Variants in TBCK observed in about 807,000 individuals in gnomAD.
TBCK encodes the protein TBC domain-containing protein kinase-like protein.
In TBCK, 99 loss-of-function variants were observed where a neutral mutation model predicts 113.4. The ratio of observed to expected loss-of-function variants is 0.87; its 90% CI spans 0.74 to 1.03. The LOEUF is 1.03. TBCK is among the 50% of genes least tolerant of loss of function. TBCK has a pLI of 0.00. For synonymous variants in TBCK, 369 were observed against 370.8 expected, an observed-to-expected ratio of 1.00 and a Z score of 0.05; for missense variants, 1,045 against 1,061.3, an observed-to-expected ratio of 0.98 and a Z score of 0.21.
intron 23 of TBCK, among the ~76,000 whole-genome samples, chr4:106,151,749 T>C (rs1033171673): frequency 1.3e-5 from 2 of 152,024 alleles, no homozygotes; most frequent in African/African-American, 4.8e-5. Context: ...TTTTTTTGTA[T>C]CCTCTTCAAT....
chr4:106,235,570 T>C (rs1050170626), intron 14 of TBCK, among the ~76,000 whole-genome samples: 4 of 152,030 alleles, frequency 2.6e-5, no homozygotes, highest in Non-Finnish European at 5.9e-5. Flanking sequence ...AAAACTCGTA[T>C]TATATAATTA....
intron 23 of TBCK, among the ~76,000 whole-genome samples, chr4:106,156,212 T>C (rs1352417456): frequency 6.6e-6 from 1 of 150,880 alleles, no homozygotes; most frequent in Non-Finnish European, 1.5e-5. Flanking sequence ...TACTTTCTCC[T>C]AAAAAAAAAT....
At chr4:106,148,807 C>A (rs544263630) in intron 23 of TBCK, among the ~76,000 whole-genome samples, 177 of 152,210 alleles carry the variant, frequency 1.2e-3, no homozygotes, top group African/African-American at 4.2e-3. Flanking sequence ...CTATATCAGC[C>A]CCTAACAGGA....
chr4:106,232,834 T>C, intron 17 of TBCK, 104 bp downstream of exon 17: 1 of 1,169,416 alleles, frequency 8.6e-7, no homozygotes, highest in Non-Finnish European at 1.2e-6. Flanking sequence ...CAATATTGAC[T>C]TTCCCCAAAG....
intron 24 of TBCK, among the ~76,000 whole-genome samples, chr4:106,107,882 T>G (rs1399072492): frequency 6.6e-6 from 1 of 152,108 alleles, no homozygotes; most frequent in East Asian, 1.9e-4. Context: ...GATAGGCCAC[T>G]AGCTAGACTA....
intron 23 of TBCK, among the ~76,000 whole-genome samples, chr4:106,129,037 CTTTATTA>C (rs1442056137): frequency 6.6e-6 from 1 of 152,034 alleles, no homozygotes; most frequent in East Asian, 1.9e-4. Flanking sequence ...TTATTTTGTT[CTTTATTA>C]TTTAGAATAT....
chr4:106,176,018 T>G lies in TBCK; in HGVS notation c.2060-4748A>C, dbSNP rs187589431. On this transcript the variant is annotated intron_variant, in intron 22 of 25. Transcript: ENST00000394708. ...TGAAGATGGCTTGGTTTTTCTACTT[T>G]ACTGTTATTTTTAAATTAATACATA... 5.8e-3 allele frequency among the ~76,000 whole-genome samples: 884 copies of G among 152,254 alleles called. 6 individuals carry two copies. The highest frequency in any genetic ancestry group is 0.019 in the African/African-American group (780 of 41,574).
chr4:106,294,337 G>A (rs891438864), intron 3 of TBCK, among the ~76,000 whole-genome samples: 9 of 151,522 alleles, frequency 5.9e-5, no homozygotes, highest in South Asian at 4.2e-4. Flanking sequence ...TTACAGGCAC[G>A]CACCACCATG....
intron 24 of TBCK, among the ~76,000 whole-genome samples, chr4:106,104,341 G>A (rs1241876955): frequency 6.6e-6 from 1 of 152,202 alleles, no homozygotes; most frequent in African/African-American, 2.4e-5. Flanking sequence ...CCAGGGAGAT[G>A]GGTGGGTTGC....
At chr4:106,070,613 G>A (rs1255324303) in intron 25 of TBCK, among the ~76,000 whole-genome samples, 1 of 151,806 alleles carries the variant, frequency 6.6e-6, no homozygotes, top group Admixed American at 6.6e-5. Context: ...TTTTTTGTGT[G>A]TGTGTCTCTG....
chr4:106,155,923 C>A (rs79177211), intron 23 of TBCK, among the ~76,000 whole-genome samples: 2,073 of 152,098 alleles, frequency 0.014, 52 homozygotes, highest in African/African-American at 0.047. Flanking sequence ...TCATGCTTTC[C>A]TGGATGATCT....
rs34095868 is a variant in TBCK, at chr4:106,197,341, AGTGT to A, written c.1861-2591_1861-2588del. ...CTCAAATCTTTGCTAATTACTGAAG[AGTGT>A]GTGTGTGTGTGTGTGTGTGTGTACA... On this transcript the variant is annotated intron_variant, in intron 20 of 25. Transcript: ENST00000394708. Among the ~76,000 whole-genome samples, 886 of 142,252 alleles carry A rather than the reference AGTGT, an allele frequency of 6.2e-3. 12 individuals carry two copies. Among genetic ancestry groups the A allele is most frequent in the African/African-American group, 0.018 (698 of 37,928 alleles). 93.3% of individuals were successfully genotyped at this position (142,252 alleles called of 152,430 possible). A position where few individuals can be genotyped will look rare whatever the true frequency, so the allele number is the denominator to read the frequency against.
At chr4:106,124,823 G>C (rs1443883718) in intron 23 of TBCK, among the ~76,000 whole-genome samples, 3 of 151,990 alleles carry the variant, frequency 2.0e-5, no homozygotes, top group Admixed American at 6.6e-5. Context: ...GACATAGGAA[G>C]GGGAATATCA....
chr4:106,132,874 T>C (rs1746121013), intron 23 of TBCK, among the ~76,000 whole-genome samples: 1 of 152,214 alleles, frequency 6.6e-6, no homozygotes, highest in Non-Finnish European at 1.5e-5. Context: ...CCTCTTGTTT[T>C]GGCCAATTTC....
intron 23 of TBCK, among the ~76,000 whole-genome samples, chr4:106,149,504 A>AG (rs1271227455): frequency 6.6e-6 from 1 of 152,174 alleles, no homozygotes; most frequent in Non-Finnish European, 1.5e-5. Flanking sequence ...CTCAAGGAAT[A>AG]GGGAGACACA....
intron 24 of TBCK, among the ~76,000 whole-genome samples, chr4:106,111,068 C>A (rs1742794779): frequency 6.6e-6 from 1 of 152,106 alleles, no homozygotes; most frequent in African/African-American, 2.4e-5. Context: ...ACTCTGCAGA[C>A]CTCTTTCTAA....
chr4:106,261,696 G>C (rs1053503315), intron 4 of TBCK, among the ~76,000 whole-genome samples: 1 of 151,926 alleles, frequency 6.6e-6, no homozygotes, highest in Non-Finnish European at 1.5e-5. Flanking sequence ...GAGGAAAGAA[G>C]GCAGAAGAAA....
At chr4:106,193,800 A>T (rs1225943252) in intron 21 of TBCK, 30 bp from the exon 22 acceptor site, 3 of 1,378,292 alleles carry the variant, frequency 2.2e-6, no homozygotes, top group Admixed American at 5.6e-5. Flanking sequence ...CAAATAAATT[A>T]AAAAACCAAA....
intron 2 of TBCK, among the ~76,000 whole-genome samples, chr4:106,299,269 G>A (rs17333879): frequency 0.17 from 25,209 of 152,174 alleles, 2,102 homozygotes; most frequent in South Asian, 0.25. Context: ...CACAGTCACT[G>A]AACAGAGCCC....
Sources: gnomAD v4.1 joint callset for allele counts (sites outside exome capture counted in the v4.1 genomes callset) on GRCh38, gnomAD v4.1.1 for gene constraint, MANE v1.5 for transcripts, NCBI Gene and HGNC (gene_info 2026-07-23, HGNC 2026-07-21) for gene names.